DCAF5: variants seen among roughly 807,000 people sequenced by gnomAD.
DCAF5 encodes DDB1 and CUL4 associated factor 5.
A neutral mutation model predicts 80.7 loss-of-function variants in DCAF5; 9 were observed. The ratio of observed to expected loss-of-function variants is 0.11; its 90% CI spans 0.07 to 0.19. The LOEUF (loss-of-function observed/expected upper bound fraction) is 0.19. Among genes scored for constraint, DCAF5 ranks in the 10% least tolerant of loss-of-function variants. The pLI is 1.00. For synonymous variants in DCAF5, 433 were observed against 461.9 expected, an observed-to-expected ratio of 0.94 and a Z score of 0.80; for missense variants, 842 against 1,205.7, an observed-to-expected ratio of 0.70 and a Z score of 4.47.
Position 69,051,378 on chromosome 14 carries a change from G to A in DCAF5, c.*2479C>T, listed in dbSNP as rs2037755765. 1 of 152,392 alleles carries A rather than the reference G, an allele frequency of 6.6e-6. No individual in the cohort carries two copies. Among genetic ancestry groups the A allele is most frequent in the African/African-American group, 2.4e-5 (1 of 41,442 alleles). 9.4% of individuals were successfully genotyped at this position (152,392 alleles called of 1,614,324 possible). ...GTACTCTAGAAGTGGTTCCTGCCAG[G>A]TTTCCAGACCCACAACCATAGACAC... is the stretch of plus-strand genomic sequence containing the variant. On this transcript the variant is annotated 3_prime_UTR_variant, in exon 9 of 9. Transcript: ENST00000341516.
intron 6 of DCAF5, among the ~76,000 whole-genome samples, chr14:69,078,403 A>C (rs1489538482): frequency 6.6e-6 from 1 of 152,344 alleles, no homozygotes; most frequent in Middle Eastern, 3.4e-3. Context: ...TAGTTCCCCC[A>C]AAAATTAAAG....
chr14:69,103,849 G>A (rs2040044972), intron 5 of DCAF5, among the ~76,000 whole-genome samples: 1 of 152,160 alleles, frequency 6.6e-6, no homozygotes, highest in African/African-American at 2.4e-5. Flanking sequence ...GATTACATAA[G>A]TGGAATTATG....
At chr14:69,102,005 G>A (rs1167887518) in intron 5 of DCAF5, among the ~76,000 whole-genome samples, 3 of 151,694 alleles carry the variant, frequency 2.0e-5, no homozygotes, top group Non-Finnish European at 4.4e-5. Flanking sequence ...GGACATTACT[G>A]TACACTACCA....
At chr14:69,067,603 CG>C (rs2038508256) in intron 7 of DCAF5, among the ~76,000 whole-genome samples, 1 of 151,756 alleles carries the variant, frequency 6.6e-6, no homozygotes, top group Admixed American at 6.6e-5. Context: ...CCTTGGCCCC[CG>C]GAAGTGCTGG....
At chr14:69,073,573 A>G (rs1313189583) in intron 7 of DCAF5, among the ~76,000 whole-genome samples, 2 of 152,190 alleles carry the variant, frequency 1.3e-5, no homozygotes, top group East Asian at 3.9e-4. Flanking sequence ...CGATCACTTA[A>G]GCCCAGAGTT....
At chr14:69,060,898 AT>A (rs1328105251) in intron 8 of DCAF5, among the ~76,000 whole-genome samples, 1 of 151,688 alleles carries the variant, frequency 6.6e-6, no homozygotes, top group Non-Finnish European at 1.5e-5. Flanking sequence ...CTGGATAGTT[AT>A]TTTTTTAAGA....
intron 1 of DCAF5, among the ~76,000 whole-genome samples, chr14:69,125,278 G>A (rs902144660): frequency 6.6e-6 from 1 of 152,128 alleles, no homozygotes; most frequent in African/African-American, 2.4e-5. Context: ...AAGAATAAAG[G>A]GAGCCCAGAA....
At chr14:69,146,311 G>C (rs952932481) in intron 1 of DCAF5, among the ~76,000 whole-genome samples, 7 of 152,158 alleles carry the variant, frequency 4.6e-5, no homozygotes, top group African/African-American at 1.7e-4. Flanking sequence ...ACCTCACTAG[G>C]TTATTTTAAA....
At chr14:69,115,758 T>C (rs2040523608) in intron 5 of DCAF5, among the ~76,000 whole-genome samples, 1 of 152,248 alleles carries the variant, frequency 6.6e-6, no homozygotes, top group Admixed American at 6.5e-5. Context: ...GCTCTTTTCA[T>C]AGTGCCATGT....
chr14:69,136,061 T>C (rs1001613305), intron 1 of DCAF5, among the ~76,000 whole-genome samples: 4 of 152,070 alleles, frequency 2.6e-5, no homozygotes, highest in African/African-American at 9.7e-5. Flanking sequence ...GAATATACAG[T>C]TATCTAAGAC....
chr14:69,063,076 G>A (rs1207651722), intron 7 of DCAF5, among the ~76,000 whole-genome samples: 1 of 152,148 alleles, frequency 6.6e-6, no homozygotes, highest in Non-Finnish European at 1.5e-5. Flanking sequence ...ATAGCAGGGA[G>A]AACTAAGGAT....
At chr14:69,133,659 G>A (rs1253618780) in intron 1 of DCAF5, among the ~76,000 whole-genome samples, 1 of 152,142 alleles carries the variant, frequency 6.6e-6, no homozygotes, top group Non-Finnish European at 1.5e-5. Context: ...CATTACTTCT[G>A]CTGACACCCT....
intron 1 of DCAF5, among the ~76,000 whole-genome samples, chr14:69,140,063 C>A (rs532427945): frequency 1.3e-5 from 2 of 151,988 alleles, no homozygotes; most frequent in Admixed American, 6.6e-5. Flanking sequence ...CTCAGGAGAT[C>A]GAGACTAGCC....
intron 6 of DCAF5, chr14:69,085,042 G>C: frequency 7.8e-7 from 1 of 1,281,002 alleles, no homozygotes; most frequent in Admixed American, 1.7e-5. Flanking sequence ...GACTTTTCCT[G>C]GTCTAAAATT....
chr14:69,104,371 T>C (rs1451354325), intron 5 of DCAF5, among the ~76,000 whole-genome samples: 1 of 152,174 alleles, frequency 6.6e-6, no homozygotes, highest in African/African-American at 2.4e-5. Flanking sequence ...ATGAAATATT[T>C]TTGTACCCAT....
chr14:69,085,138 T>C (rs2039267699), intron 6 of DCAF5: 12 of 766,614 alleles, frequency 1.6e-5, no homozygotes. Flanking sequence ...AAATCATACA[T>C]ACAAACCTAC....
chr14:69,077,207 TTG>T (rs930418888), intron 6 of DCAF5, among the ~76,000 whole-genome samples: 1 of 152,098 alleles, frequency 6.6e-6, no homozygotes, highest in Non-Finnish European at 1.5e-5. Flanking sequence ...TGTTTTCCTT[TTG>T]TGTGTGTGTA....
intron 1 of DCAF5, among the ~76,000 whole-genome samples, chr14:69,151,346 C>A (rs2041697050): frequency 1.3e-5 from 2 of 152,130 alleles, no homozygotes; most frequent in South Asian, 4.1e-4. Flanking sequence ...TTTCTCTTTG[C>A]TACCCCCAAA....
At chr14:69,102,165 G>C (rs2039975344) in intron 5 of DCAF5, among the ~76,000 whole-genome samples, 2 of 146,328 alleles carry the variant, frequency 1.4e-5, no homozygotes, top group South Asian at 4.3e-4. Flanking sequence ...CTGGAGTGCA[G>C]TGGTGTGATC....
Sources: allele counts gnomAD v4.1 joint callset (sites outside exome capture counted in the v4.1 genomes callset), GRCh38; gene constraint gnomAD v4.1.1; transcripts MANE v1.5; gene names NCBI Gene and HGNC (gene_info 2026-07-23, HGNC 2026-07-21).